The following ANKRD44 variants were observed in gnomAD, a reference collection of about 807,000 sequenced individuals.
ANKRD44 encodes ankyrin repeat domain 44, also known as serine/threonine-protein phosphatase 6 regulatory ankyrin repeat subunit B.
A neutral mutation model predicts 116.0 loss-of-function variants in ANKRD44; 35 were observed. The observed-to-expected ratio is 0.30, with a 90% CI of 0.23 to 0.40. ANKRD44 has a LOEUF of 0.40. ANKRD44 is among the 10% of genes least tolerant of loss of function. The pLI is 1.00. For missense variants in ANKRD44, 1,014 were observed against 1,242.6 expected (o/e 0.82, Z 2.77); for synonymous variants, 435 against 461.8 (o/e 0.94, Z 0.74).
At chr2:197,106,650 C>G (rs4850761) in intron 9 of ANKRD44, among the ~76,000 whole-genome samples, 1 of 151,148 alleles carries the variant, frequency 6.6e-6, no homozygotes, top group Admixed American at 6.6e-5. Context: ...ATTAGCTGGG[C>G]GTGGTGGCAG....
chr2:197,099,721 C>G, intron 10 of ANKRD44, 95 bp downstream of exon 10: 2 of 1,523,714 alleles, frequency 1.3e-6, no homozygotes, highest in South Asian at 2.6e-5. Flanking sequence ...CCACCTTAAC[C>G]TGGATAAATG....
chr2:197,218,830 G>A lies in ANKRD44; in HGVS notation c.28-31724C>T, dbSNP rs543210297. Among the ~76,000 whole-genome samples the A allele has an allele frequency of 3.9e-5, 5 of 127,662 alleles. No homozygotes were observed. The East Asian group carries it at 1.3e-3, about 34-fold the overall frequency. The allele number at this position is 127,662 out of a possible 152,430, so 83.8% of individuals were successfully genotyped here. On this transcript the variant is annotated intron_variant, in intron 1 of 27. Transcript: ENST00000282272. ...GCTGGAGTACAGTGACACAATCTTG[G>A]CCCACTACAATCTCCGCCTCCTGGG...
At position 196,988,296 on chromosome 2, in the gene ANKRD44, A is replaced by C; in HGVS notation, c.*1295T>G. Reference sequence around the variant, plus strand: ...GCATATTGTGCTTCTTCAACACTGAACCTCTCTTAATTTTCAGTGTTTTGG... The same window carrying C: ...GCATATTGTGCTTCTTCAACACTGACCCTCTCTTAATTTTCAGTGTTTTGG... On this transcript the variant is annotated 3_prime_UTR_variant, in exon 28 of 28. Coordinates refer to ENST00000282272, the MANE Select transcript of ANKRD44 (RefSeq NM_001195144.2). 1.0e-6 allele frequency: 1 copy of C among 985,288 alleles called. No homozygotes were observed. The highest frequency in any genetic ancestry group is 1.2e-6 in the Non-Finnish European group (1 of 829,920). 61.0% of individuals were successfully genotyped at this position (985,288 alleles called of 1,614,324 possible).
chr2:197,196,952 T>C (rs1299246789), intron 1 of ANKRD44, among the ~76,000 whole-genome samples: 1 of 148,724 alleles, frequency 6.7e-6, no homozygotes, highest in Non-Finnish European at 1.5e-5. Flanking sequence ...CTTCCTGTTC[T>C]GGCCATTGTC....
intron 16 of ANKRD44, chr2:197,029,527 C>A: frequency 2.1e-6 from 1 of 480,690 alleles, no homozygotes; most frequent in Non-Finnish European, 4.1e-6. Flanking sequence ...TTCCAGAAAG[C>A]ACTTTCAGTC....
At chr2:197,084,123 T>C (rs2077864016) in intron 13 of ANKRD44, among the ~76,000 whole-genome samples, 1 of 152,192 alleles carries the variant, frequency 6.6e-6, no homozygotes, top group South Asian at 2.1e-4. Context: ...TACTAACCAA[T>C]ACTTGATTCC....
chr2:197,079,617 G>A (rs1414170357), intron 15 of ANKRD44, among the ~76,000 whole-genome samples: 1 of 152,230 alleles, frequency 6.6e-6, no homozygotes, highest in Non-Finnish European at 1.5e-5. Context: ...GGGAAAGAGG[G>A]AGTCACTAGT....
chr2:197,227,486 T>G (rs904851920), intron 1 of ANKRD44, among the ~76,000 whole-genome samples: 15 of 152,204 alleles, frequency 9.9e-5, no homozygotes, highest in African/African-American at 3.4e-4. Context: ...TAAACACGAC[T>G]GAAGGTGTGA....
intron 21 of ANKRD44, among the ~76,000 whole-genome samples, chr2:196,976,304 T>C (rs1198410355): frequency 1.3e-5 from 2 of 151,980 alleles, no homozygotes; most frequent in Non-Finnish European, 1.5e-5. Context: ...GCCTGGCTAA[T>C]TTTTTGTATT....
chr2:196,986,781 T>C lies in ANKRD44; in HGVS notation c.*2810A>G, dbSNP rs2075842207. On this transcript the variant is annotated 3_prime_UTR_variant, in exon 28 of 28. Coordinates refer to ENST00000282272, the MANE Select transcript of ANKRD44 (RefSeq NM_001195144.2). ...GAGCATTCAGTAGTTGCAAAAGTAT[T>C]AAACTGTGCTTGAGAAGATTCAGAT... The C allele has an allele frequency of 1.0e-6, 1 of 985,360 alleles. No homozygotes were observed. The highest frequency in any genetic ancestry group is 1.2e-6 in the Non-Finnish European group (1 of 829,848). The allele number at this position is 985,360 out of a possible 1,614,324, so 61.0% of individuals were successfully genotyped here. A position where few individuals can be genotyped will look rare whatever the true frequency, so the allele number is the denominator to read the frequency against.
intron 16 of ANKRD44, among the ~76,000 whole-genome samples, chr2:197,037,730 G>A (rs1574326119): frequency 1.3e-5 from 2 of 152,152 alleles, no homozygotes; most frequent in South Asian, 4.1e-4. Flanking sequence ...TTGAGCCCAC[G>A]AGTTTGAGAC....
At chr2:197,080,305 T>A (rs1306625455) in intron 15 of ANKRD44, among the ~76,000 whole-genome samples, 6 of 152,230 alleles carry the variant, frequency 3.9e-5, no homozygotes, top group Non-Finnish European at 7.3e-5. Context: ...CATTCCGTGT[T>A]TTCACTGGGA....
At chr2:197,073,685 T>C (rs1287150675) in intron 16 of ANKRD44, among the ~76,000 whole-genome samples, 1 of 152,224 alleles carries the variant, frequency 6.6e-6, no homozygotes, top group Non-Finnish European at 1.5e-5. Context: ...GAAGGCATTC[T>C]ATCTCCTCCA....
chr2:197,279,086 C>G (rs528978651), intron 1 of ANKRD44, among the ~76,000 whole-genome samples: 1 of 152,174 alleles, frequency 6.6e-6, no homozygotes, highest in Non-Finnish European at 1.5e-5. Flanking sequence ...CACATGATTG[C>G]AGGGCTAAGC....
intron 17 of ANKRD44, chr2:197,015,955 C>T: frequency 3.7e-6 from 2 of 539,026 alleles, no homozygotes; most frequent in East Asian, 4.9e-5. Context: ...CTCAGACAGT[C>T]CCTATGGTGG....
In ANKRD44 at chr2:196,999,048, G is replaced by T. The variant is rs768009425; in HGVS notation, c.2524C>A (p.Pro842Thr). Residue 842 changes from proline to threonine, a missense_variant, in exon 24 of 28, where the codon CCC (proline) becomes ACC (threonine). By Grantham distance (38) the Pro-to-Thr change is conservative. Coordinates refer to ENST00000282272, the MANE Select transcript of ANKRD44 (RefSeq NM_001195144.2). ...VSCRDDKGRT[P>T]LHAAAFADHV... ...TCAGCAAATGCTGCCGCATGAAGGGGTGTCCTAAAGATTTAAAACAAGTAT... is the reference window on the plus strand; with the variant it reads ...TCAGCAAATGCTGCCGCATGAAGGGTTGTCCTAAAGATTTAAAACAAGTAT... 4.3e-6 allele frequency: 7 copies of T among 1,613,060 alleles called. No homozygotes were observed. Among genetic ancestry groups the T allele is most frequent in the Non-Finnish European group, 5.9e-6 (7 of 1,179,688 alleles).
intron 1 of ANKRD44, among the ~76,000 whole-genome samples, chr2:197,218,837 A>G (rs1360146357): frequency 7.4e-6 from 1 of 135,684 alleles, no homozygotes; most frequent in Non-Finnish European, 1.5e-5. Flanking sequence ...TTGGCCCACT[A>G]CAATCTCCGC....
rs1445099095 is a variant in ANKRD44, at chr2:197,008,933, A to G, written c.2012+11T>C. ...AAATGTCAACCCAAGGCCACGTGTGAGCGCACTTACTGTCCTTTGGCATCT... is the reference window on the plus strand; with the variant it reads ...AAATGTCAACCCAAGGCCACGTGTGGGCGCACTTACTGTCCTTTGGCATCT... On this transcript the variant is annotated intron_variant, in intron 19 of 27. Transcript: ENST00000282272. The G allele has an allele frequency of 1.2e-6, 2 of 1,613,650 alleles. No homozygotes were observed. Among genetic ancestry groups the G allele is most frequent in the Admixed American group, 1.7e-5 (1 of 60,028 alleles).
intron 1 of ANKRD44, among the ~76,000 whole-genome samples, chr2:197,272,958 G>C (rs1226026684): frequency 6.6e-6 from 1 of 152,166 alleles, no homozygotes; most frequent in Non-Finnish European, 1.5e-5. Context: ...ATATTAAGTT[G>C]ACTTATAAAT....
Sources: gnomAD v4.1 joint callset for allele counts (sites outside exome capture counted in the v4.1 genomes callset) on GRCh38, gnomAD v4.1.1 for gene constraint, MANE v1.5 for transcripts, NCBI Gene and HGNC (gene_info 2026-07-23, HGNC 2026-07-21) for gene names.